Variants in IQGAP2 observed in about 807,000 individuals in gnomAD.
The protein encoded by IQGAP2 is ras GTPase-activating-like protein IQGAP2.
IQGAP2 carries 173 observed loss-of-function variants against 201.3 expected under a neutral mutation model. That is an observed-to-expected ratio of 0.86 (90% CI 0.76 to 0.98). The LOEUF is 0.98. Among genes scored for constraint, IQGAP2 ranks in the 50% least tolerant of loss-of-function variants. The pLI is 0.00. For synonymous variants in IQGAP2, 675 were observed against 673.9 expected (o/e 1.00, Z -0.03); for missense variants, 1,687 against 1,864.8 (o/e 0.90, Z 1.76).
chr5:76,436,944 T>A (rs1752743245), intron 1 of IQGAP2, among the ~76,000 whole-genome samples: 1 of 152,050 alleles, frequency 6.6e-6, no homozygotes, highest in African/African-American at 2.4e-5. Flanking sequence ...CATACATTTA[T>A]ATGTATATGT....
intron 25 of IQGAP2, 174 bp downstream of exon 25, chr5:76,673,763 A>G: frequency 1.1e-5 from 8 of 722,074 alleles, no homozygotes; most frequent in South Asian, 3.7e-5. Flanking sequence ...AGAAGGGGCA[A>G]TACTTCAGTA....
Position 76,445,456 on chromosome 5 carries a change from C to T in IQGAP2, c.47-16114C>T, listed in dbSNP as rs559548795. Among the ~76,000 whole-genome samples, 15 of 151,216 alleles carry T rather than the reference C, an allele frequency of 9.9e-5. No individual in the cohort carries two copies. The East Asian group carries it at 2.1e-3, about 21-fold the overall frequency. ...TTTTTAAACTGTGGCAAAAATCGGC[C>T]GTTTTAACCTTTTTTTTTTTTTTTT... On this transcript the variant is annotated intron_variant, in intron 1 of 35. Transcript: ENST00000274364.
At chr5:76,506,775 C>T (rs1391002971) in intron 2 of IQGAP2, among the ~76,000 whole-genome samples, 1 of 152,014 alleles carries the variant, frequency 6.6e-6, no homozygotes, top group Non-Finnish European at 1.5e-5. Context: ...ACATCAACAC[C>T]CCCAAAAATG....
chr5:76,660,097 C>G (rs1743121280), intron 21 of IQGAP2: 1 of 104,422 alleles, frequency 9.6e-6, no homozygotes, highest in Admixed American at 9.1e-5. Context: ...TACAGTGGCT[C>G]ATAGAGCGCC....
At chr5:76,678,503 A>G (rs140547335) in intron 28 of IQGAP2, among the ~76,000 whole-genome samples, 4 of 152,260 alleles carry the variant, frequency 2.6e-5, no homozygotes. Context: ...TCATGAAAAA[A>G]TCTTGGTTTT....
At chr5:76,583,618 C>G (rs1395770822) in intron 5 of IQGAP2, among the ~76,000 whole-genome samples, 4 of 152,068 alleles carry the variant, frequency 2.6e-5, no homozygotes, top group Non-Finnish European at 4.4e-5. Flanking sequence ...CTTCCATGTT[C>G]AGAAAGCTAA....
intron 9 of IQGAP2, among the ~76,000 whole-genome samples, chr5:76,596,298 A>T (rs1350028662): frequency 6.6e-6 from 1 of 152,178 alleles, no homozygotes; most frequent in Non-Finnish European, 1.5e-5. Flanking sequence ...TGCTACCCAG[A>T]TGCCTTCTCT....
intron 4 of IQGAP2, among the ~76,000 whole-genome samples, chr5:76,574,520 C>T (rs1374789866): frequency 6.6e-6 from 1 of 152,196 alleles, no homozygotes; most frequent in East Asian, 1.9e-4. Context: ...TCGCCTGCCT[C>T]AGCCTCCCAA....
At chr5:76,611,260 C>T (rs1299128031) in intron 13 of IQGAP2, 77 bp downstream of exon 13, 17 of 1,093,202 alleles carry the variant, frequency 1.6e-5, no homozygotes, top group Non-Finnish European at 2.0e-5. Context: ...GGATTTGACC[C>T]ATTTACGTTA....
At chr5:76,583,960 T>G (rs189422966) in intron 5 of IQGAP2, among the ~76,000 whole-genome samples, 1 of 151,796 alleles carries the variant, frequency 6.6e-6, no homozygotes, top group Non-Finnish European at 1.5e-5. Context: ...GCAACGTCTG[T>G]CTCCCTGGTT....
chr5:76,403,512 G>C lies in IQGAP2; in HGVS notation c.-34G>C. On this transcript the variant is annotated 5_prime_UTR_variant, in exon 1 of 36. Transcript: ENST00000274364. The surrounding 1 kb of genome is among the most constrained non-coding windows in gnomAD (Gnocchi z 4.8). ...TGGCCAGCGAGGGTAGCCGCGGGGG[G>C]CGCGCCCCGGGCGGGCCCCCGGAGA... is the stretch of plus-strand genomic sequence containing the variant. The C allele has an allele frequency of 3.4e-6, 5 of 1,451,178 alleles. No homozygotes were observed. The highest frequency in any genetic ancestry group is 4.5e-6 in the Non-Finnish European group (5 of 1,108,836). 89.9% of individuals were successfully genotyped at this position (1,451,178 alleles called of 1,614,324 possible). A position where few individuals can be genotyped will look rare whatever the true frequency, so the allele number is the denominator to read the frequency against.
At chr5:76,608,183 G>C (rs1228471294) in intron 12 of IQGAP2, 1 of 152,164 alleles carries the variant, frequency 6.6e-6, no homozygotes, top group Admixed American at 6.5e-5. Context: ...GATTGCTGTG[G>C]CTTTTATCTA....
chr5:76,491,588 G>A (rs1023525675), intron 2 of IQGAP2, among the ~76,000 whole-genome samples: 3 of 152,098 alleles, frequency 2.0e-5, no homozygotes, highest in African/African-American at 7.2e-5. Context: ...ACAGGCGTGA[G>A]CCACCGCACC....
At chr5:76,643,432 G>A (rs981696756) in intron 17 of IQGAP2, among the ~76,000 whole-genome samples, 1 of 152,128 alleles carries the variant, frequency 6.6e-6, no homozygotes, top group Admixed American at 6.5e-5. Context: ...CCATTTTATT[G>A]CAGGGTGGTG....
chr5:76,439,880 C>G (rs1752934330), intron 1 of IQGAP2, among the ~76,000 whole-genome samples: 1 of 152,086 alleles, frequency 6.6e-6, no homozygotes, highest in Non-Finnish European at 1.5e-5. Flanking sequence ...AGGTACTGTT[C>G]CAATCATTGT....
At chr5:76,424,153 G>C (rs1340649759) in intron 1 of IQGAP2, among the ~76,000 whole-genome samples, 1 of 152,168 alleles carries the variant, frequency 6.6e-6, no homozygotes, top group Non-Finnish European at 1.5e-5. Context: ...ATTTGGGACT[G>C]AACTGTAGAA....
Position 76,588,928 on chromosome 5 carries a change from A to G in IQGAP2, c.481A>G (p.Ile161Val). 1.2e-6 allele frequency: 2 copies of G among 1,608,642 alleles called. No individual in the cohort carries two copies. The highest frequency in any genetic ancestry group is 2.2e-5 in the East Asian group (1 of 44,752). ...CAGTTTGTATCTGTTCAAACTAGGA[A>G]TAGCACCCCAGATCCAGGATTTGTT... is the stretch of plus-strand genomic sequence containing the variant. ...ALSLYLFKLG[I>V]APQIQDLLGK... Residue 161 changes from isoleucine to valine, a missense_variant, in exon 6 of 36, where the codon ATA becomes GTA. By Grantham distance (29) the Ile-to-Val change is conservative (BLOSUM62 3). Coordinates refer to ENST00000274364, the MANE Select transcript of IQGAP2 (RefSeq NM_006633.5).
rs552800845 is a variant in IQGAP2, at chr5:76,550,683, T to G, written c.147-11713T>G. Among the ~76,000 whole-genome samples the G allele has an allele frequency of 2.6e-5, 4 of 152,310 alleles. No individual in the cohort carries two copies. In the South Asian group the frequency reaches 8.3e-4, roughly 32 times the overall value. On this transcript the variant is annotated intron_variant, in intron 2 of 35. Coordinates refer to ENST00000274364, the MANE Select transcript of IQGAP2 (RefSeq NM_006633.5). ...ACGGGGTTGGGGGTAGGGTCACCGA[T>G]CAACAGGATCACAAGGCAGAAGAAT...
At chr5:76,553,036 G>A (rs899066894) in intron 2 of IQGAP2, among the ~76,000 whole-genome samples, 3 of 152,206 alleles carry the variant, frequency 2.0e-5, no homozygotes, top group African/African-American at 7.2e-5. Flanking sequence ...ATGAGAGAAA[G>A]ATAGGGGCCC....
Sources: gnomAD v4.1 joint callset for allele counts (sites outside exome capture counted in the v4.1 genomes callset) on GRCh38, gnomAD v4.1.1 for gene constraint, Gnocchi (gnomAD v3.1) non-coding constraint, MANE v1.5 for transcripts, NCBI Gene and HGNC (gene_info 2026-07-23, HGNC 2026-07-21) for gene names.